LRRTM4: variants seen among roughly 807,000 people sequenced by gnomAD.
The protein encoded by LRRTM4 is leucine-rich repeat transmembrane neuronal protein 4.
A neutral mutation model predicts 47.6 loss-of-function variants in LRRTM4; 25 were observed. That is an observed-to-expected ratio of 0.53 (90% CI 0.38 to 0.73). The LOEUF is 0.73. LRRTM4 is among the 30% of genes least tolerant of loss of function. LRRTM4 has a pLI of 0.00. For synonymous variants in LRRTM4, 311 were observed against 269.5 expected (o/e 1.15, Z -1.51); for missense variants, 638 against 713.4 (o/e 0.89, Z 1.20).
At chr2:77,389,307 A>G (rs984078830) in intron 3 of LRRTM4, among the ~76,000 whole-genome samples, 3 of 152,102 alleles carry the variant, frequency 2.0e-5, no homozygotes, top group Admixed American at 1.3e-4. Flanking sequence ...AGAAATTTGT[A>G]AAGTCTGAGG....
At chr2:77,256,900 C>A (rs9973726) in intron 3 of LRRTM4, among the ~76,000 whole-genome samples, 8,810 of 151,948 alleles carry the variant, frequency 0.058, 911 homozygotes, top group African/African-American at 0.2. Context: ...AAAACAGACA[C>A]AAAAACCCTT....
At chr2:77,095,483 C>A (rs1163029509) in intron 3 of LRRTM4, among the ~76,000 whole-genome samples, 2 of 149,672 alleles carry the variant, frequency 1.3e-5, no homozygotes, top group African/African-American at 4.9e-5. Context: ...TCATAATAAC[C>A]AAAATATGAA....
At chr2:77,281,570 C>T (rs536457317) in intron 3 of LRRTM4, among the ~76,000 whole-genome samples, 178 of 151,622 alleles carry the variant, frequency 1.2e-3, no homozygotes, top group Non-Finnish European at 2.0e-3. Flanking sequence ...TTCACTATTA[C>T]GGTAAAAGAA....
intron 3 of LRRTM4, among the ~76,000 whole-genome samples, chr2:77,111,311 T>G (rs4449162): frequency 0.59 from 82,213 of 140,448 alleles, 24,795 homozygotes; most frequent in African/African-American, 0.73. Context: ...TTGTATTTTA[T>G]TAGAAACAGG....
At chr2:76,929,181 G>A (rs929787702) in intron 3 of LRRTM4, among the ~76,000 whole-genome samples, 1 of 152,160 alleles carries the variant, frequency 6.6e-6, no homozygotes, top group Non-Finnish European at 1.5e-5. Context: ...ATTAAATTAG[G>A]TCACAGAGTT....
chr2:76,862,487 G>A (rs1011991615), intron 3 of LRRTM4, among the ~76,000 whole-genome samples: 1 of 152,040 alleles, frequency 6.6e-6, no homozygotes, highest in Non-Finnish European at 1.5e-5. Flanking sequence ...CAAATGCTGA[G>A]AAATGGTATT....
chr2:76,807,904 T>TCTTTCTTTTCTTTC (rs1197394834), intron 3 of LRRTM4, among the ~76,000 whole-genome samples: 10 of 143,436 alleles, frequency 7.0e-5, no homozygotes, highest in African/African-American at 2.5e-4. Context: ...TCTTTACTTT[T>TCTTTCTTTTCTTTC]CTTTCTTTTC....
chr2:77,441,609 A>G (rs1401104295), intron 3 of LRRTM4, among the ~76,000 whole-genome samples: 3 of 152,186 alleles, frequency 2.0e-5, no homozygotes, highest in African/African-American at 7.2e-5. Context: ...CTGAGTTGTG[A>G]GAAATAATGA....
intron 3 of LRRTM4, among the ~76,000 whole-genome samples, chr2:77,445,818 C>T (rs1676029764): frequency 6.6e-6 from 1 of 151,992 alleles, no homozygotes; most frequent in Non-Finnish European, 1.5e-5. Context: ...ATTTTCTCAC[C>T]TATAAACAAG....
rs1671748205 is a variant in LRRTM4 at position 76,843,523 on chromosome 2, A to G, written c.1552-94607T>C. On this transcript the variant is annotated intron_variant, in intron 3 of 3. Coordinates refer to ENST00000409884, the MANE Select transcript of LRRTM4 (RefSeq NM_001134745.3). ...CCTAAATCCCAGTTCTCATTCATGA[A>G]CAATTGGAAATTTCAATGATAACTG... Among the ~76,000 whole-genome samples the G allele has an allele frequency of 3.3e-5, 5 of 152,240 alleles. No individual in the cohort carries two copies. In the South Asian group the frequency reaches 1.0e-3, roughly 31 times the overall value.
chr2:77,332,543 A>T (rs949051833), intron 3 of LRRTM4, among the ~76,000 whole-genome samples: 6 of 152,204 alleles, frequency 3.9e-5, no homozygotes, highest in Non-Finnish European at 8.8e-5. Flanking sequence ...ACCCAATTCC[A>T]TCTGGCTTCT....
intron 3 of LRRTM4, among the ~76,000 whole-genome samples, chr2:76,855,606 C>T (rs1256213719): frequency 1.3e-5 from 2 of 152,120 alleles, no homozygotes; most frequent in Non-Finnish European, 2.9e-5. Flanking sequence ...TGTACAAAGA[C>T]TGATGATTTT....
chr2:77,367,150 T>A (rs13410621), intron 3 of LRRTM4, among the ~76,000 whole-genome samples: 3,086 of 151,894 alleles, frequency 0.02, 121 homozygotes, highest in African/African-American at 0.071. Flanking sequence ...TTCCTTGCCT[T>A]CGTCACCTAA....
intron 3 of LRRTM4, among the ~76,000 whole-genome samples, chr2:77,003,362 C>T (rs1298301820): frequency 6.6e-6 from 1 of 151,124 alleles, no homozygotes; most frequent in Non-Finnish European, 1.5e-5. Flanking sequence ...GGCTCTGCAC[C>T]CCCACCGAAA....
intron 3 of LRRTM4, among the ~76,000 whole-genome samples, chr2:77,094,907 C>G (rs1047008195): frequency 1.3e-5 from 2 of 151,968 alleles, no homozygotes; most frequent in African/African-American, 2.4e-5. Flanking sequence ...AAAGCACAAG[C>G]AACAAAAGCA....
chr2:77,131,026 G>A (rs1219531799), intron 3 of LRRTM4, among the ~76,000 whole-genome samples: 45 of 144,572 alleles, frequency 3.1e-4, no homozygotes, highest in Admixed American at 8.5e-4. Context: ...AGTAGAGACG[G>A]GGTTTCACCG....
At chr2:77,135,282 T>A (rs565288510) in intron 3 of LRRTM4, among the ~76,000 whole-genome samples, 1 of 152,322 alleles carries the variant, frequency 6.6e-6, no homozygotes, top group South Asian at 2.1e-4. Flanking sequence ...GTGTTCCTTC[T>A]CAGAGAGCTG....
At chr2:76,772,733 T>A (rs534960181) in intron 3 of LRRTM4, among the ~76,000 whole-genome samples, 1 of 152,224 alleles carries the variant, frequency 6.6e-6, no homozygotes, top group Admixed American at 6.5e-5. Context: ...TATAGTACAA[T>A]AAGACATTTT....
chr2:77,168,425 T>C (rs1672951521), intron 3 of LRRTM4, among the ~76,000 whole-genome samples: 1 of 152,090 alleles, frequency 6.6e-6, no homozygotes, highest in Admixed American at 6.6e-5. Context: ...TGCTTTCTTA[T>C]TTATACATAA....
Sources: gnomAD v4.1 joint callset for allele counts (sites outside exome capture counted in the v4.1 genomes callset) on GRCh38, gnomAD v4.1.1 for gene constraint, MANE v1.5 for transcripts, NCBI Gene and HGNC (gene_info 2026-07-23, HGNC 2026-07-21) for gene names.